The following LTBP1 variants were observed in gnomAD, a reference collection of about 807,000 sequenced individuals.
LTBP1 encodes the protein latent transforming growth factor beta binding protein 1, also known as latent-transforming growth factor beta-binding protein 1.
LTBP1 carries 129 observed loss-of-function variants against 207.6 expected under a neutral mutation model. That is an observed-to-expected ratio of 0.62 (90% confidence interval 0.54 to 0.72). The LOEUF (loss-of-function observed/expected upper bound fraction) is 0.72. LTBP1 is among the 30% of genes least tolerant of loss of function. The probability of loss-of-function intolerance (pLI) is 0.00; values close to 1 mark genes in which losing one functional copy is unlikely to be tolerated. For missense variants in LTBP1, 2,281 were observed against 2,217.2 expected, an observed-to-expected ratio of 1.03 and a Z score of -0.58; for synonymous variants, 963 against 833.7, an observed-to-expected ratio of 1.16 and a Z score of -2.67.
At chr2:33,381,941 C>T (rs71447909) in intron 31 of LTBP1, among the ~76,000 whole-genome samples, 1 of 152,024 alleles carries the variant, frequency 6.6e-6, no homozygotes, top group African/African-American at 2.4e-5. Flanking sequence ...TCATAGAGTT[C>T]TGAGTTTTAA....
intron 3 of LTBP1, among the ~76,000 whole-genome samples, chr2:33,096,010 A>T (rs1007180049): frequency 2.6e-5 from 4 of 152,090 alleles, no homozygotes; most frequent in Non-Finnish European, 2.9e-5. Context: ...GAAAAACATA[A>T]ATTTAGAGAT....
In LTBP1 at chr2:32,973,166, A is replaced by G. The variant is rs373319675; in HGVS notation, c.565+24221A>G. Among the ~76,000 whole-genome samples the G allele has an allele frequency of 1.5e-4, 23 of 152,060 alleles. 2 individuals carry two copies. The highest frequency in any genetic ancestry group is 7.7e-4 in the East Asian group (4 of 5,184). ...GATGTCTGTTAGGTCTACTTGTCCA[A>G]GTGTTGAGTTCAGCTCCTGAATGTC... On this transcript the variant is annotated intron_variant, in intron 2 of 33. Coordinates refer to ENST00000404816, the MANE Select transcript of LTBP1 (RefSeq NM_206943.4).
intron 3 of LTBP1, among the ~76,000 whole-genome samples, chr2:33,063,941 C>T (rs2077382858): frequency 6.6e-6 from 1 of 151,788 alleles, no homozygotes; most frequent in Non-Finnish European, 1.5e-5. Context: ...GCAACCTCTG[C>T]CTCCCAGGTT....
chr2:33,190,152 T>C (rs1253107679), intron 7 of LTBP1, among the ~76,000 whole-genome samples: 2 of 152,238 alleles, frequency 1.3e-5, no homozygotes, highest in Non-Finnish European at 2.9e-5. Flanking sequence ...AAACTCATCA[T>C]TGAATGTGCA....
intron 24 of LTBP1, among the ~76,000 whole-genome samples, chr2:33,324,278 A>T (rs1573839365): frequency 7.9e-6 from 1 of 126,776 alleles, no homozygotes; most frequent in African/African-American, 3.3e-5. Flanking sequence ...TTGTTATAAC[A>T]ATTGTTATAA....
At chr2:33,370,410 GA>G (rs1339363901) in intron 31 of LTBP1, among the ~76,000 whole-genome samples, 2 of 152,174 alleles carry the variant, frequency 1.3e-5, no homozygotes, top group Non-Finnish European at 2.9e-5. Flanking sequence ...TCAAAAAACA[GA>G]TTCTGGTTTC....
chr2:33,095,172 A>G (rs568810344), intron 3 of LTBP1, among the ~76,000 whole-genome samples: 214 of 152,308 alleles, frequency 1.4e-3, no homozygotes, highest in Middle Eastern at 3.4e-3. Flanking sequence ...AGATGGGGCA[A>G]ATTTTTCTTA....
At chr2:33,240,942 G>A (rs1297716555) in intron 9 of LTBP1, among the ~76,000 whole-genome samples, 3 of 152,210 alleles carry the variant, frequency 2.0e-5, no homozygotes, top group East Asian at 1.9e-4. Flanking sequence ...GAGCCACCGC[G>A]CCCGGCCAGA....
intron 4 of LTBP1, among the ~76,000 whole-genome samples, chr2:33,113,135 AAAACTAGAGG>A (rs2080513517): frequency 6.6e-6 from 1 of 152,222 alleles, no homozygotes; most frequent in African/African-American, 2.4e-5. Context: ...GAAGCGGTTG[AAAACTAGAGG>A]TTGGCAATAA....
intron 24 of LTBP1, among the ~76,000 whole-genome samples, chr2:33,320,220 T>G (rs191454869): frequency 6.6e-6 from 1 of 151,904 alleles, no homozygotes; most frequent in East Asian, 1.9e-4. Flanking sequence ...AATACAAAAA[T>G]TAGCTGGTTG....
chr2:33,077,816 A>C (rs2078168764), intron 3 of LTBP1, among the ~76,000 whole-genome samples: 1 of 152,204 alleles, frequency 6.6e-6, no homozygotes, highest in Admixed American at 6.5e-5. Flanking sequence ...TTGAAATTGT[A>C]ATAACAAAAA....
intron 24 of LTBP1, among the ~76,000 whole-genome samples, chr2:33,320,166 C>T (rs975497504): frequency 2.0e-5 from 3 of 151,986 alleles, no homozygotes; most frequent in East Asian, 1.9e-4. Flanking sequence ...GTCAGGAGTT[C>T]GAGGCCAGCT....
Position 33,115,035 on chromosome 2 carries a change from TATACAC to T in LTBP1, c.1033+4286_1033+4291del, listed in dbSNP as rs1438663652. The stretch of plus-strand genomic sequence containing the variant: ...TGATGAAGGGATAAACAAACAGATA[TATACAC>T]ACACACACACACACACACACACACA... On this transcript the variant is annotated intron_variant, in intron 4 of 33. Coordinates refer to ENST00000404816, the MANE Select transcript of LTBP1 (RefSeq NM_206943.4). Among the ~76,000 whole-genome samples the T allele has an allele frequency of 5.8e-3, 573 of 98,268 alleles. 4 individuals carry two copies. The highest frequency in any genetic ancestry group is 0.022 in the African/African-American group (532 of 24,158). 64.5% of individuals were successfully genotyped at this position (98,268 alleles called of 152,430 possible).
chr2:33,121,917 C>A (rs190280481), intron 4 of LTBP1, among the ~76,000 whole-genome samples: 128 of 152,156 alleles, frequency 8.4e-4, no homozygotes, highest in African/African-American at 2.9e-3. Flanking sequence ...AAGAATGATT[C>A]TCTCACCAAT....
chr2:33,372,514 T>C (rs2095081725), intron 31 of LTBP1, among the ~76,000 whole-genome samples: 1 of 152,242 alleles, frequency 6.6e-6, no homozygotes, highest in Admixed American at 6.5e-5. Flanking sequence ...ATAAAACTTT[T>C]AGTGATGCCT....
At chr2:33,149,668 C>G (rs997011824) in intron 5 of LTBP1, among the ~76,000 whole-genome samples, 1 of 152,164 alleles carries the variant, frequency 6.6e-6, no homozygotes, top group Admixed American at 6.5e-5. Flanking sequence ...GATGGGCCTT[C>G]ATTCTGAAGA....
intron 21 of LTBP1, among the ~76,000 whole-genome samples, chr2:33,300,853 T>G (rs1654031218): frequency 6.6e-6 from 1 of 152,216 alleles, no homozygotes; most frequent in South Asian, 2.1e-4. Context: ...AGAAGGTAAT[T>G]TCCATTTAAA....
intron 9 of LTBP1, among the ~76,000 whole-genome samples, chr2:33,236,670 A>G (rs915772276): frequency 5.9e-5 from 9 of 152,218 alleles, no homozygotes; most frequent in Admixed American, 5.9e-4. Flanking sequence ...CTGTGGCTAT[A>G]AAATGAATGG....
At chr2:33,094,962 A>T (rs1274379989) in intron 3 of LTBP1, among the ~76,000 whole-genome samples, 1 of 152,214 alleles carries the variant, frequency 6.6e-6, no homozygotes, top group South Asian at 2.1e-4. Context: ...TTCCAAATTT[A>T]TACACTATAT....
Sources: gnomAD v4.1 joint callset for allele counts (sites outside exome capture counted in the v4.1 genomes callset) on GRCh38, gnomAD v4.1.1 for gene constraint, MANE v1.5 for transcripts, NCBI Gene and HGNC (gene_info 2026-07-23, HGNC 2026-07-21) for gene names.